AGPAT4: variants seen among roughly 807,000 people sequenced by gnomAD.
The protein encoded by AGPAT4 is 1-acyl-sn-glycerol-3-phosphate acyltransferase delta.
In AGPAT4, 15 loss-of-function variants were observed where a neutral mutation model predicts 48.0. The ratio of observed to expected loss-of-function variants is 0.31; its 90% confidence interval spans 0.21 to 0.48. The LOEUF (loss-of-function observed/expected upper bound fraction) is 0.48, where lower values mean the gene tolerates loss of function less well. Ranked by LOEUF, AGPAT4 falls within the 20% of genes least tolerant of loss-of-function variation. The pLI, the probability that AGPAT4 is intolerant of heterozygous loss-of-function variation, is 0.99. For synonymous variants in AGPAT4, 178 were observed against 198.7 expected, an observed-to-expected ratio of 0.90 and a Z score of 0.88; for missense variants, 314 against 482.5, an observed-to-expected ratio of 0.65 and a Z score of 3.27.
In AGPAT4 at chr6:161,240,452, G is replaced by A. The variant is rs757571827; in HGVS notation, c.-89-8150C>T. ...CACTCTTCCTGAACAGTGATTAAGCGATCCAGCTCTGCCACTCTTCCCCAA... is the reference window on the plus strand; with the variant it reads ...CACTCTTCCTGAACAGTGATTAAGCAATCCAGCTCTGCCACTCTTCCCCAA... On this transcript the variant is annotated intron_variant, in intron 1 of 8. Transcript: ENST00000320285. This position sits in a 1 kb window ranked among gnomAD's most constrained non-coding sequence, Gnocchi z 5.5. 5.3e-5 allele frequency among the ~76,000 whole-genome samples: 8 copies of A among 152,090 alleles called. No individual in the cohort carries two copies. Among genetic ancestry groups the A allele is most frequent in the Non-Finnish European group, 1.0e-4 (7 of 68,010 alleles).
intron 2 of AGPAT4, among the ~76,000 whole-genome samples, chr6:161,185,305 T>TC (rs1192261926): frequency 9.2e-5 from 13 of 140,742 alleles, no homozygotes; most frequent in African/African-American, 3.5e-4. Context: ...TTTTTTTTTT[T>TC]CCAAAGACAG....
chr6:161,203,653 C>T (rs1302980907), intron 2 of AGPAT4, among the ~76,000 whole-genome samples: 1 of 152,110 alleles, frequency 6.6e-6, no homozygotes, highest in Non-Finnish European at 1.5e-5. Flanking sequence ...CCACCTCAAC[C>T]TCCCAAAGTG....
chr6:161,152,263 A>G (rs1779611313), intron 5 of AGPAT4, among the ~76,000 whole-genome samples: 1 of 151,762 alleles, frequency 6.6e-6, no homozygotes, highest in African/African-American at 2.4e-5. Flanking sequence ...AAACTGGTTA[A>G]CAGGGCTAAG....
At position 161,216,457 on chromosome 6, in the gene AGPAT4, T is replaced by C. The variant is rs1009611263; in HGVS notation, c.178+15579A>G. ...GTGAAACGCTTCCGGGCAATCGTTC[T>C]TTCCTCATTCTTTCCCAACTTCCTC... On this transcript the variant is annotated intron_variant, in intron 2 of 8. Coordinates refer to ENST00000320285, the MANE Select transcript of AGPAT4 (RefSeq NM_020133.3). This position sits in a 1 kb window ranked among gnomAD's most constrained non-coding sequence, Gnocchi z 4.8. 2.0e-5 allele frequency among the ~76,000 whole-genome samples: 3 copies of C among 152,178 alleles called. No individual in the cohort carries two copies. Among genetic ancestry groups the C allele is most frequent in the African/African-American group, 7.2e-5 (3 of 41,440 alleles).
At position 161,229,544 on chromosome 6, in the gene AGPAT4, G is replaced by A. The variant is rs1484369604; in HGVS notation, c.178+2492C>T. 6.6e-6 allele frequency among the ~76,000 whole-genome samples: 1 copy of A among 152,064 alleles called. No individual in the cohort carries two copies. Among genetic ancestry groups the A allele is most frequent in the Non-Finnish European group, 1.5e-5 (1 of 68,010 alleles). ...AAGTCTGTCAATTATTTAGAGCAAG[G>A]AAAAGGAACCAGGAAAAGCGAACAG... is the stretch of plus-strand genomic sequence containing the variant. On this transcript the variant is annotated intron_variant, in intron 2 of 8. Transcript: ENST00000320285. This position sits in a 1 kb window ranked among gnomAD's most constrained non-coding sequence, Gnocchi z 6.0.
chr6:161,168,473 C>A (rs1287606395), intron 2 of AGPAT4, among the ~76,000 whole-genome samples: 2 of 152,116 alleles, frequency 1.3e-5, no homozygotes, highest in African/African-American at 4.8e-5. Flanking sequence ...CCCTCCACAG[C>A]CCTATCACAG....
In AGPAT4 at chr6:161,236,213, T is replaced by C. The variant is rs1664591303; in HGVS notation, c.-89-3911A>G. On this transcript the variant is annotated intron_variant, in intron 1 of 8. Coordinates refer to ENST00000320285, the MANE Select transcript of AGPAT4 (RefSeq NM_020133.3). The surrounding 1 kb of genome is among the most constrained non-coding windows in gnomAD (Gnocchi z 5.0). ...GTTTCTGAGCATATCAGAGCGCTAC[T>C]TACAGAGTTTCTAAATCAACAGAGA... Among the ~76,000 whole-genome samples, 1 of 152,098 alleles carries C rather than the reference T, an allele frequency of 6.6e-6. No individual in the cohort carries two copies. Among genetic ancestry groups the C allele is most frequent in the African/African-American group, 2.4e-5 (1 of 41,408 alleles).
At position 161,232,736 on chromosome 6, in the gene AGPAT4, C is replaced by A. The variant is rs1032228116; in HGVS notation, c.-89-434G>T. 3.3e-5 allele frequency among the ~76,000 whole-genome samples: 5 copies of A among 152,184 alleles called. No individual in the cohort carries two copies. The highest frequency in any genetic ancestry group is 7.3e-5 in the Non-Finnish European group (5 of 68,034). On this transcript the variant is annotated intron_variant, in intron 1 of 8. Coordinates refer to ENST00000320285, the MANE Select transcript of AGPAT4 (RefSeq NM_020133.3). The surrounding 1 kb of genome is among the most constrained non-coding windows in gnomAD (Gnocchi z 6.8). ...AGCCCCATTCTCTCACCCCTAGCCC[C>A]ACGCCATCTCCCTCCTCTCATTCTC...
chr6:161,174,118 T>G (rs150268799), intron 2 of AGPAT4, among the ~76,000 whole-genome samples: 4,986 of 152,300 alleles, frequency 0.033, 96 homozygotes, highest in Admixed American at 0.048. Context: ...AGGATTGTCT[T>G]GACTATGCGG....
In AGPAT4 at chr6:161,242,922, G is replaced by A. The variant is rs544277082; in HGVS notation, c.-89-10620C>T. ...GTCTCTACTAAGAACACAAAAATTAGCCGGGCGTGGTGGCACGTGCCTCCC... is the reference window on the plus strand; with the variant it reads ...GTCTCTACTAAGAACACAAAAATTAACCGGGCGTGGTGGCACGTGCCTCCC... On this transcript the variant is annotated intron_variant, in intron 1 of 8. Transcript: ENST00000320285. This position sits in a 1 kb window ranked among gnomAD's most constrained non-coding sequence, Gnocchi z 5.0. Among the ~76,000 whole-genome samples the A allele has an allele frequency of 6.6e-6, 1 of 152,040 alleles. No homozygotes were observed.
intron 1 of AGPAT4, among the ~76,000 whole-genome samples, chr6:161,271,614 GC>G (rs1238483078): frequency 3.3e-5 from 5 of 152,190 alleles, no homozygotes; most frequent in Admixed American, 6.5e-5. Context: ...CCTTCCCTAG[GC>G]CAAAGCTGCT....
At position 161,249,882 on chromosome 6, in the gene AGPAT4, G is replaced by A. The variant is rs760757843; in HGVS notation, c.-89-17580C>T. Among the ~76,000 whole-genome samples the A allele has an allele frequency of 6.6e-6, 1 of 152,150 alleles. No individual in the cohort carries two copies. The highest frequency in any genetic ancestry group is 1.5e-5 in the Non-Finnish European group (1 of 68,040). On this transcript the variant is annotated intron_variant, in intron 1 of 8. Coordinates refer to ENST00000320285, the MANE Select transcript of AGPAT4 (RefSeq NM_020133.3). The surrounding 1 kb of genome is among the most constrained non-coding windows in gnomAD (Gnocchi z 6.2). ...CGCTTATGTTCATTGCAGTACTACT[G>A]CAGCTATTCACAGCTATTCACTATT...
intron 1 of AGPAT4, among the ~76,000 whole-genome samples, chr6:161,256,157 C>T (rs747414151): frequency 3.3e-5 from 5 of 152,124 alleles, no homozygotes; most frequent in African/African-American, 1.2e-4. Context: ...AAAACAGATC[C>T]CCCTCAACTG....
In AGPAT4 at chr6:161,134,166, T is replaced by G. The variant is rs1292683998; in HGVS notation, c.*2374A>C. 6.6e-6 allele frequency: 1 copy of G among 152,156 alleles called. No individual in the cohort carries two copies. Among genetic ancestry groups the G allele is most frequent in the Non-Finnish European group, 1.5e-5 (1 of 68,022 alleles). The allele number at this position is 152,156 out of a possible 1,614,324, so 9.4% of individuals were successfully genotyped here. A position where few individuals can be genotyped will look rare whatever the true frequency, so the allele number is the denominator to read the frequency against. On this transcript the variant is annotated 3_prime_UTR_variant, in exon 9 of 9. Coordinates refer to ENST00000320285, the MANE Select transcript of AGPAT4 (RefSeq NM_020133.3). The stretch of plus-strand genomic sequence containing the variant: ...TCTCCCCAGCACGCCACATTCTCTT[T>G]CGGCTCTAAGGCAATTCAAAACTTG...
intron 2 of AGPAT4, among the ~76,000 whole-genome samples, chr6:161,192,254 G>A (rs181037489): frequency 1.4e-5 from 2 of 146,324 alleles, no homozygotes; most frequent in East Asian, 2.1e-4. Flanking sequence ...AGGTTTAAGC[G>A]ATTCTCCTGC....
rs2115016783 is a variant in AGPAT4, at chr6:161,208,919, G to A, written c.178+23117C>T. On this transcript the variant is annotated intron_variant, in intron 2 of 8. Coordinates refer to ENST00000320285, the MANE Select transcript of AGPAT4 (RefSeq NM_020133.3). This position sits in a 1 kb window ranked among gnomAD's most constrained non-coding sequence, Gnocchi z 4.6. ...AAACAATGTAATCAGAACTACCATT[G>A]GGGAACACAAGCAAACCCACACCAG... Among the ~76,000 whole-genome samples the A allele has an allele frequency of 6.6e-6, 1 of 152,272 alleles. No individual in the cohort carries two copies. The highest frequency in any genetic ancestry group is 1.9e-4 in the East Asian group (1 of 5,178).
In AGPAT4 at chr6:161,169,456, C is replaced by T. The variant is rs1780204593; in HGVS notation, c.179-3039G>A. On this transcript the variant is annotated intron_variant, in intron 2 of 8. Transcript: ENST00000320285. This position sits in a 1 kb window ranked among gnomAD's most constrained non-coding sequence, Gnocchi z 5.0. ...TCACTGGATAAAAGAGCTTGATTTC[C>T]CTTTTTTGTTTTTTCCTTTCTTTTT... 6.6e-6 allele frequency among the ~76,000 whole-genome samples: 1 copy of T among 152,030 alleles called. No individual in the cohort carries two copies. The highest frequency in any genetic ancestry group is 2.4e-5 in the African/African-American group (1 of 41,400).
intron 5 of AGPAT4, among the ~76,000 whole-genome samples, chr6:161,152,573 G>A (rs1291675003): frequency 2.0e-5 from 3 of 152,194 alleles, no homozygotes; most frequent in Non-Finnish European, 4.4e-5. Context: ...CTGGGGAGGA[G>A]TTCGGGGCCC....
chr6:161,186,446 G>A (rs1780770778), intron 2 of AGPAT4, among the ~76,000 whole-genome samples: 1 of 152,088 alleles, frequency 6.6e-6, no homozygotes, highest in Non-Finnish European at 1.5e-5. Context: ...GACGGCCCCT[G>A]CAGTCCACCG....
Sources: allele counts gnomAD v4.1 joint callset (sites outside exome capture counted in the v4.1 genomes callset), GRCh38; gene constraint gnomAD v4.1.1; non-coding constraint Gnocchi (gnomAD v3.1); transcripts MANE v1.5; gene names NCBI Gene and HGNC (gene_info 2026-07-23, HGNC 2026-07-21).